The following COMMD1 variants were observed in gnomAD, a reference collection of about 807,000 sequenced individuals.
The protein encoded by COMMD1 is COMM domain-containing protein 1.
In COMMD1, 10 loss-of-function variants were observed where a neutral mutation model predicts 17.2. The ratio of observed to expected loss-of-function variants is 0.58; its 90% confidence interval spans 0.36 to 0.99. The LOEUF (loss-of-function observed/expected upper bound fraction) is 0.99. Ranked by LOEUF, COMMD1 falls within the 50% of genes least tolerant of loss-of-function variation. The pLI is 0.01. For synonymous variants in COMMD1, 97 were observed against 91.6 expected (o/e 1.06, Z -0.34); for missense variants, 270 against 231.8 (o/e 1.17, Z -1.07).
chr2:62,029,193 A>C (rs1573090022), intron 2 of COMMD1, among the ~76,000 whole-genome samples: 1 of 152,136 alleles, frequency 6.6e-6, no homozygotes, highest in Non-Finnish European at 1.5e-5. Context: ...TGTTTTTTTA[A>C]ATTAGATATC....
chr2:61,943,743 G>A (rs1387876729), intron 1 of COMMD1, among the ~76,000 whole-genome samples: 1 of 152,156 alleles, frequency 6.6e-6, no homozygotes, highest in Non-Finnish European at 1.5e-5. Context: ...GCTTGGACAG[G>A]AGAATTGCTT....
At chr2:61,933,008 T>C (rs2105211166) in intron 1 of COMMD1, among the ~76,000 whole-genome samples, 1 of 151,892 alleles carries the variant, frequency 6.6e-6, no homozygotes, top group East Asian at 1.9e-4. Flanking sequence ...ACAAACAGAT[T>C]GAAGGGTAGT....
intron 1 of COMMD1, among the ~76,000 whole-genome samples, chr2:61,943,666 C>T (rs1670812653): frequency 1.3e-5 from 2 of 152,082 alleles, no homozygotes; most frequent in Non-Finnish European, 2.9e-5. Flanking sequence ...GAAAACCCGT[C>T]TCTACTAAAA....
Position 62,032,295 on chromosome 2 carries a change from G to T in COMMD1, c.462+31313G>T, listed in dbSNP as rs151133640. Among the ~76,000 whole-genome samples the T allele has an allele frequency of 3.2e-4, 48 of 152,288 alleles. No homozygotes were observed. In the East Asian group the frequency reaches 9.3e-3, roughly 29 times the overall value. On this transcript the variant is annotated intron_variant, in intron 2 of 2. Coordinates refer to ENST00000311832, the MANE Select transcript of COMMD1 (RefSeq NM_152516.4). ...TCACACCTGTAACCCCAGCACTCTGGGAAGCTGAGGCAGGAGCATCACGTG... is the reference window on the plus strand; with the variant it reads ...TCACACCTGTAACCCCAGCACTCTGTGAAGCTGAGGCAGGAGCATCACGTG...
intron 1 of COMMD1, among the ~76,000 whole-genome samples, chr2:61,929,042 G>A (rs183972086): frequency 5.9e-5 from 9 of 152,236 alleles, no homozygotes; most frequent in African/African-American, 2.2e-4. Context: ...TAGGAGCGGA[G>A]TTCATTGGTT....
chr2:62,053,959 G>A (rs1225859887), intron 2 of COMMD1, among the ~76,000 whole-genome samples: 1 of 152,120 alleles, frequency 6.6e-6, no homozygotes, highest in Non-Finnish European at 1.5e-5. Context: ...TCATCCAATA[G>A]GGGTCTAACA....
intron 2 of COMMD1, chr2:62,100,314 AC>A (rs1487078480): frequency 6.6e-6 from 1 of 152,190 alleles, no homozygotes; most frequent in Non-Finnish European, 1.5e-5. Flanking sequence ...GTGTTTGGGC[AC>A]CAGATTATTG....
intron 2 of COMMD1, among the ~76,000 whole-genome samples, chr2:62,119,331 T>C (rs1466384185): frequency 6.6e-6 from 1 of 152,218 alleles, no homozygotes; most frequent in Non-Finnish European, 1.5e-5. Context: ...GATACTTTGC[T>C]GTGGCAACCC....
chr2:62,025,419 A>C (rs1216887741), intron 2 of COMMD1, among the ~76,000 whole-genome samples: 1 of 151,978 alleles, frequency 6.6e-6, no homozygotes, highest in African/African-American at 2.4e-5. Context: ...AGTCCCAGCT[A>C]CTTGGAAGGC....
upstream of COMMD1, chr2:61,888,580 T>A (rs575173754): frequency 8.1e-5 from 125 of 1,546,196 alleles, 2 homozygotes; most frequent in South Asian, 1.4e-3. Context: ...CGCAGTGTAA[T>A]AACGGTAAGC....
intron 2 of COMMD1, among the ~76,000 whole-genome samples, chr2:62,031,000 A>G (rs1669895694): frequency 2.0e-5 from 3 of 152,128 alleles, no homozygotes; most frequent in Middle Eastern, 3.2e-3. Flanking sequence ...TTTAAAAGGG[A>G]TGATACTTAG....
chr2:61,895,515 T>G (rs1669532914), intron 1 of COMMD1, among the ~76,000 whole-genome samples: 1 of 152,104 alleles, frequency 6.6e-6, no homozygotes, highest in Non-Finnish European at 1.5e-5. Context: ...TACTTGTGTC[T>G]CAGGTGGCAA....
intron 2 of COMMD1, among the ~76,000 whole-genome samples, chr2:62,061,372 C>G (rs1268507132): frequency 1.3e-5 from 2 of 152,126 alleles, no homozygotes; most frequent in Non-Finnish European, 1.5e-5. Flanking sequence ...TTGACTGAGT[C>G]TAACACCAGC....
intron 2 of COMMD1, among the ~76,000 whole-genome samples, chr2:62,019,945 C>T (rs1421553813): frequency 6.6e-6 from 1 of 152,200 alleles, no homozygotes; most frequent in Non-Finnish European, 1.5e-5. Flanking sequence ...ATACACTCTT[C>T]AGCCACAGAT....
upstream of COMMD1, among the ~76,000 whole-genome samples, chr2:61,902,711 G>A (rs1403741790): frequency 1.3e-5 from 2 of 152,080 alleles, no homozygotes; most frequent in African/African-American, 4.8e-5. Context: ...AGCTGGGTAC[G>A]GTAGTGTGTG....
chr2:62,083,269 G>GAA (rs34970249), intron 2 of COMMD1, among the ~76,000 whole-genome samples: 11 of 143,542 alleles, frequency 7.7e-5, no homozygotes, highest in Admixed American at 2.1e-4. Context: ...TCTCAATTGA[G>GAA]AAAAAAAAAA....
chr2:61,912,676 A>G (rs186294572), intron 1 of COMMD1, among the ~76,000 whole-genome samples: 32 of 151,334 alleles, frequency 2.1e-4, no homozygotes, highest in Non-Finnish European at 3.2e-4. Flanking sequence ...TGGAGGTTGC[A>G]GTGAGCCGAG....
intron 2 of COMMD1, among the ~76,000 whole-genome samples, chr2:62,056,547 G>A (rs1039265773): frequency 3.9e-5 from 6 of 152,174 alleles, no homozygotes; most frequent in African/African-American, 1.4e-4. Flanking sequence ...TGTTTAAGTC[G>A]GCAGATAAAG....
At chr2:62,108,898 C>G (rs1672382550) in intron 2 of COMMD1, among the ~76,000 whole-genome samples, 1 of 152,176 alleles carries the variant, frequency 6.6e-6, no homozygotes, top group African/African-American at 2.4e-5. Context: ...GATCTGGCAA[C>G]ACTGGGCCCA....
Sources: gnomAD v4.1 joint callset for allele counts (sites outside exome capture counted in the v4.1 genomes callset) on GRCh38, gnomAD v4.1.1 for gene constraint, MANE v1.5 for transcripts, NCBI Gene and HGNC (gene_info 2026-07-23, HGNC 2026-07-21) for gene names.